Variants in GRM4 observed in about 807,000 individuals in gnomAD.
GRM4 encodes the protein metabotropic glutamate receptor 4.
A neutral mutation model predicts 81.7 loss-of-function variants in GRM4; 28 were observed. That is an observed-to-expected ratio of 0.34 (90% CI 0.25 to 0.47). The LOEUF is 0.47. Ranked by LOEUF, GRM4 falls within the 20% of genes least tolerant of loss-of-function variation. The pLI is 1.00. For synonymous variants in GRM4, 488 were observed against 528.8 expected (o/e 0.92, Z 1.06); for missense variants, 948 against 1,290.0 (o/e 0.73, Z 4.06).
intron 6 of GRM4, among the ~76,000 whole-genome samples, chr6:34,044,859 CACAGACAT>C (rs1334809292): frequency 1.5e-5 from 2 of 136,928 alleles, no homozygotes; most frequent in African/African-American, 6.4e-5. Flanking sequence ...TAGACACACA[CACAGACAT>C]ACATACACAT....
chr6:34,103,219 C>T (rs542854081), intron 2 of GRM4, among the ~76,000 whole-genome samples: 22 of 152,332 alleles, frequency 1.4e-4, no homozygotes, highest in African/African-American at 3.8e-4. Context: ...TTCTGAATTA[C>T]GTTTTCCAGG....
chr6:34,030,474 C>A (rs1764358346), intron 9 of GRM4, among the ~76,000 whole-genome samples: 1 of 152,206 alleles, frequency 6.6e-6, no homozygotes, highest in Non-Finnish European at 1.5e-5. Context: ...GCAGTGGACA[C>A]AGTTCTATGT....
chr6:34,050,974 G>A (rs963519259), intron 6 of GRM4, among the ~76,000 whole-genome samples: 2 of 152,276 alleles, frequency 1.3e-5, no homozygotes, highest in South Asian at 2.1e-4. Context: ...ACTGAGTGAA[G>A]GGCCAATGGT....
rs1243750316 is a variant in GRM4, at chr6:34,111,983, TCTC to T, written c.520-19887_520-19885del. On this transcript the variant is annotated intron_variant, in intron 2 of 10. Transcript: ENST00000538487. This position sits in a 1 kb window ranked among gnomAD's most constrained non-coding sequence, Gnocchi z 5.1. ...GCCTGGAGATTCTGAAATGGGGAGG[TCTC>T]CTCACTCACCCCAAGTTGCACCTAA... Among the ~76,000 whole-genome samples the T allele has an allele frequency of 6.6e-6, 1 of 151,352 alleles. No individual in the cohort carries two copies. Among genetic ancestry groups the T allele is most frequent in the African/African-American group, 2.4e-5 (1 of 41,100 alleles).
intron 2 of GRM4, among the ~76,000 whole-genome samples, chr6:34,124,534 C>A (rs1367488370): frequency 6.6e-6 from 1 of 152,206 alleles, no homozygotes; most frequent in African/African-American, 2.4e-5. Context: ...GTGCTTCCTG[C>A]GTGATAAAGT....
chr6:34,056,534 G>A lies in GRM4; in HGVS notation c.1168+10C>T, dbSNP rs374168189. On this transcript the variant is annotated intron_variant, in intron 6 of 10. Coordinates refer to ENST00000538487, the MANE Select transcript of GRM4 (RefSeq NM_000841.4). ...GAGCCCGCCCGGCCCTGCCCGGCCC[G>A]CGTGCTCACTGGTGCACTTCTTGAC... The A allele has an allele frequency of 7.5e-6, 12 of 1,609,818 alleles. No individual in the cohort carries two copies. In the African/African-American group the frequency reaches 1.3e-4, roughly 18 times the overall value.
Position 34,114,169 on chromosome 6 carries a change from C to A in GRM4, c.519+18809G>T, listed in dbSNP as rs1014317552. On this transcript the variant is annotated intron_variant, in intron 2 of 10. Transcript: ENST00000538487. This position sits in a 1 kb window ranked among gnomAD's most constrained non-coding sequence, Gnocchi z 4.3. Reference sequence around the variant, plus strand: ...GGCCCTGGGCAGGTCCCCTCCACAGCACCTGTCCCCACTCATGTAAGTGAT... The same window carrying A: ...GGCCCTGGGCAGGTCCCCTCCACAGAACCTGTCCCCACTCATGTAAGTGAT... 1.3e-5 allele frequency among the ~76,000 whole-genome samples: 2 copies of A among 152,204 alleles called. No individual in the cohort carries two copies. Among genetic ancestry groups the A allele is most frequent in the Non-Finnish European group, 1.5e-5 (1 of 68,040 alleles).
chr6:34,023,551 C>G lies in GRM4; in HGVS notation c.2690-681G>C, dbSNP rs1303376113. Among the ~76,000 whole-genome samples the G allele has an allele frequency of 2.0e-5, 3 of 152,266 alleles. No homozygotes were observed. In the East Asian group the frequency reaches 5.8e-4, roughly 29 times the overall value. On this transcript the variant is annotated intron_variant, in intron 10 of 10. Coordinates refer to ENST00000538487, the MANE Select transcript of GRM4 (RefSeq NM_000841.4). Reference sequence around the variant, plus strand: ...AAGTCCCCCAGATCCCCAGGGCCCTCTGAGCACCTACCCTTTCTACTTCTT... The same window carrying G: ...AAGTCCCCCAGATCCCCAGGGCCCTGTGAGCACCTACCCTTTCTACTTCTT...
intron 2 of GRM4, among the ~76,000 whole-genome samples, chr6:34,132,585 G>C (rs1379381770): frequency 6.6e-6 from 1 of 152,018 alleles, no homozygotes; most frequent in African/African-American, 2.4e-5. Context: ...ATCCACCTGC[G>C]TATCTTTTTA....
chr6:34,141,524 G>A lies in GRM4; in HGVS notation c.-364+4476C>T, dbSNP rs944792879. Among the ~76,000 whole-genome samples, 5 of 152,300 alleles carry A rather than the reference G, an allele frequency of 3.3e-5. No homozygotes were observed. The South Asian group carries it at 8.3e-4, about 25-fold the overall frequency. On this transcript the variant is annotated intron_variant, in intron 1 of 10. Transcript: ENST00000538487. ...TACATTGATGCCTCACTGCTGCCAC[G>A]AGATTGCTAAATGGTGAGGTTAATA...
At chr6:34,117,262 T>C (rs1348101498) in intron 2 of GRM4, among the ~76,000 whole-genome samples, 1 of 152,152 alleles carries the variant, frequency 6.6e-6, no homozygotes, top group Admixed American at 6.5e-5. Context: ...TGGGGGGATT[T>C]AGAGACTGGC....
In GRM4 at chr6:34,136,443, A is replaced by G. The variant is rs2127513508; in HGVS notation, c.-363-2584T>C. The stretch of plus-strand genomic sequence containing the variant: ...AGGGCAGATTCAGGCTGGGAGACCA[A>G]TGCACAGCAGCTTTTGAAGTCAGGC... On this transcript the variant is annotated intron_variant, in intron 1 of 10. Coordinates refer to ENST00000538487, the MANE Select transcript of GRM4 (RefSeq NM_000841.4). This position sits in a 1 kb window ranked among gnomAD's most constrained non-coding sequence, Gnocchi z 4.1. Among the ~76,000 whole-genome samples, 1 of 152,216 alleles carries G rather than the reference A, an allele frequency of 6.6e-6. No individual in the cohort carries two copies. Among genetic ancestry groups the G allele is most frequent in the Admixed American group, 6.5e-5 (1 of 15,288 alleles).
chr6:34,072,523 CATAG>C lies in GRM4; in HGVS notation c.737-10499_737-10496del, dbSNP rs1251080004. The stretch of plus-strand genomic sequence containing the variant: ...TACAAACCACACACACACATCACCA[CATAG>C]ATACCCCACACACAGACTCACACAT... On this transcript the variant is annotated intron_variant, in intron 3 of 10. Coordinates refer to ENST00000538487, the MANE Select transcript of GRM4 (RefSeq NM_000841.4). Among the ~76,000 whole-genome samples the C allele has an allele frequency of 5.9e-5, 9 of 151,922 alleles. No individual in the cohort carries two copies. The South Asian group carries it at 1.2e-3, about 21-fold the overall frequency.
chr6:34,033,614 T>C (rs1171830452), intron 9 of GRM4, among the ~76,000 whole-genome samples: 1 of 152,188 alleles, frequency 6.6e-6, no homozygotes, highest in African/African-American at 2.4e-5. Flanking sequence ...CACTGAAAAC[T>C]AGGCAACCCT....
rs1218880693 is a variant in GRM4 at position 34,035,205 on chromosome 6, G to A, written c.2442+463C>T. Among the ~76,000 whole-genome samples the A allele has an allele frequency of 2.6e-5, 4 of 151,478 alleles. No homozygotes were observed. Among genetic ancestry groups the A allele is most frequent in the Non-Finnish European group, 4.4e-5 (3 of 67,894 alleles). On this transcript the variant is annotated intron_variant, in intron 9 of 10. Transcript: ENST00000538487. The surrounding 1 kb of genome is among the most constrained non-coding windows in gnomAD (Gnocchi z 6.6). The stretch of plus-strand genomic sequence containing the variant: ...AATGAAGAGTGAAGGAGGGTACAGC[G>A]CTCCAGGCTTATGGAGGGGGGAAGG...
In GRM4 at chr6:34,051,061, C is replaced by G. The variant is rs376951517; in HGVS notation, c.1168+5483G>C. Among the ~76,000 whole-genome samples the G allele has an allele frequency of 3.5e-4, 53 of 152,350 alleles. No homozygotes were observed. In the South Asian group the frequency reaches 4.6e-3, roughly 13 times the overall value. ...TGCTTCCAAATGTTGGCCTTTCTTA[C>G]TTGCCCAAGGAGGGAGGCTTCCTCA... On this transcript the variant is annotated intron_variant, in intron 6 of 10. Transcript: ENST00000538487.
chr6:34,022,892 G>A lies in GRM4; in HGVS notation c.2690-22C>T. ...AGCGCTGGAAGGAGAGAGACCAGGG[G>A]TACCCAGGAGTCAGGGGCTGCTTTT... On this transcript the variant is annotated intron_variant, in intron 10 of 10. Transcript: ENST00000538487. The surrounding 1 kb of genome is among the most constrained non-coding windows in gnomAD (Gnocchi z 5.6). 1.9e-6 allele frequency: 3 copies of A among 1,605,868 alleles called. No individual in the cohort carries two copies. In the East Asian group the frequency reaches 6.7e-5, roughly 36 times the overall value.
chr6:34,097,403 G>A (rs1032776247), intron 2 of GRM4, among the ~76,000 whole-genome samples: 1 of 152,058 alleles, frequency 6.6e-6, no homozygotes, highest in Non-Finnish European at 1.5e-5. Flanking sequence ...GTGCATGCCT[G>A]TGTTTGTGTG....
chr6:34,101,630 C>A (rs1768843365), intron 2 of GRM4, among the ~76,000 whole-genome samples: 1 of 152,244 alleles, frequency 6.6e-6, no homozygotes, highest in Admixed American at 6.5e-5. Flanking sequence ...CCTTGCTGAG[C>A]CCCCGCCTCC....
Sources: allele counts gnomAD v4.1 joint callset (sites outside exome capture counted in the v4.1 genomes callset), GRCh38; gene constraint gnomAD v4.1.1; non-coding constraint Gnocchi (gnomAD v3.1); transcripts MANE v1.5; gene names NCBI Gene and HGNC (gene_info 2026-07-23, HGNC 2026-07-21).